Variants in POLR2F observed in about 807,000 individuals in gnomAD.
POLR2F encodes DNA-directed RNA polymerases I, II, and III subunit RPABC2.
Under a neutral mutation model 22.7 loss-of-function variants are expected in POLR2F, and 12 were observed. The ratio of observed to expected loss-of-function variants is 0.53; its 90% CI spans 0.34 to 0.86. POLR2F has a LOEUF of 0.86. Among genes scored for constraint, POLR2F ranks in the 40% least tolerant of loss-of-function variants. The pLI, the probability that POLR2F is intolerant of heterozygous loss-of-function variation, is 0.02. For synonymous variants in POLR2F, 57 were observed against 66.0 expected (o/e 0.86, Z 0.66); for missense variants, 126 against 171.5 (o/e 0.73, Z 1.48).
chr22:38,031,243 G>A (rs551838707), downstream of POLR2F, among the ~76,000 whole-genome samples: 1 of 152,256 alleles, frequency 6.6e-6, no homozygotes, highest in South Asian at 2.1e-4. This position sits in a 1 kb window ranked among gnomAD's most constrained non-coding sequence, Gnocchi z 4.1. Context: ...AAACTCATCT[G>A]TAAAATGCGG....
rs377448253 is a variant in POLR2F at position 38,036,714 on chromosome 22, C to G, written c.453-4354C>G. On this transcript the variant is annotated intron_variant, in intron 5 of 5. Transcript: ENST00000407936. ...AGTCCTGTTGCGATGGAGTTCAGAC[C>G]ACACCATCCCCTGCTTAAAGCCCCA... 1.4e-4 allele frequency among the ~76,000 whole-genome samples: 21 copies of G among 151,820 alleles called. No homozygotes were observed. The East Asian group carries it at 2.7e-3, about 20-fold the overall frequency.
chr22:37,963,265 A>G lies in POLR2F; in HGVS notation c.221+3789A>G, dbSNP rs185662632. On this transcript the variant is annotated intron_variant, in intron 3 of 4. Coordinates refer to ENST00000442738, the MANE Select transcript of POLR2F (RefSeq NM_021974.5). ...CTCAGACTCCCAAAGTACTGGGATTACAGGCATGAGCCACCACGCCCAGCC... is the reference window on the plus strand; with the variant it reads ...CTCAGACTCCCAAAGTACTGGGATTGCAGGCATGAGCCACCACGCCCAGCC... Among the ~76,000 whole-genome samples, 429 of 152,122 alleles carry G rather than the reference A, an allele frequency of 2.8e-3. 2 individuals carry two copies. Among genetic ancestry groups the G allele is most frequent in the African/African-American group, 9.8e-3 (407 of 41,480 alleles).
At chr22:37,959,264 T>C in intron 2 of POLR2F, 82 bp from the exon 3 acceptor site, 2 of 1,438,756 alleles carry the variant, frequency 1.4e-6, no homozygotes, top group Non-Finnish European at 1.9e-6. Context: ...GTAGCGAGAA[T>C]TGTGATTGTT....
chr22:38,021,062 G>A (rs1016438859), intron 1 of POLR2F, among the ~76,000 whole-genome samples: 1 of 152,202 alleles, frequency 6.6e-6, no homozygotes, highest in Non-Finnish European at 1.5e-5. Flanking sequence ...AAAGCATCCA[G>A]GGCACAGAGG....
chr22:38,024,649 G>A (rs1490863431), intron 1 of POLR2F, among the ~76,000 whole-genome samples: 1 of 152,150 alleles, frequency 6.6e-6, no homozygotes, highest in African/African-American at 2.4e-5. Context: ...AGGCAGACCA[G>A]GTCTGGGAGG....
chr22:38,031,196 A>G (rs2085061807), downstream of POLR2F, among the ~76,000 whole-genome samples: 3 of 152,102 alleles, frequency 2.0e-5, no homozygotes. This position sits in a 1 kb window ranked among gnomAD's most constrained non-coding sequence, Gnocchi z 4.1. Flanking sequence ...GTGTCATTCC[A>G]TCTGCAGGGC....
chr22:38,040,197 A>T (rs1476003355), intron 5 of POLR2F: 1 of 149,870 alleles, frequency 6.7e-6, no homozygotes, highest in Non-Finnish European at 1.5e-5. Flanking sequence ...AGGCCAGAGG[A>T]TCACTTGAAC....
chr22:37,970,022 G>A (rs1035416767), downstream of POLR2F, among the ~76,000 whole-genome samples: 2 of 152,074 alleles, frequency 1.3e-5, no homozygotes, highest in African/African-American at 4.8e-5. Flanking sequence ...AGCTGGGCGT[G>A]GTGGCTCACA....
chr22:37,995,639 CTGAA>C (rs2084705618), intron 1 of POLR2F, among the ~76,000 whole-genome samples: 1 of 152,042 alleles, frequency 6.6e-6, no homozygotes, highest in Admixed American at 6.6e-5. Context: ...AACTGATTGC[CTGAA>C]TGAATGAATG....
chr22:37,995,006 T>C (rs894524164), intron 1 of POLR2F, among the ~76,000 whole-genome samples: 1 of 152,198 alleles, frequency 6.6e-6, no homozygotes. Context: ...GTTTAGGGCT[T>C]AGAACCCAGA....
At chr22:38,032,423 CAG>C (rs928108213) in intron 5 of POLR2F, 1 of 152,336 alleles carries the variant, frequency 6.6e-6, no homozygotes, top group African/African-American at 2.4e-5. Flanking sequence ...GGGTATCTGA[CAG>C]GGGAAACTGC....
chr22:37,959,017 C>T (rs1043820981), intron 2 of POLR2F, among the ~76,000 whole-genome samples: 2 of 152,118 alleles, frequency 1.3e-5, no homozygotes. Context: ...TTTTACAGGA[C>T]CAACATTCTG....
intron 1 of POLR2F, among the ~76,000 whole-genome samples, chr22:38,019,111 G>A (rs563847374): frequency 6.6e-6 from 1 of 152,082 alleles, no homozygotes; most frequent in Non-Finnish European, 1.5e-5. Flanking sequence ...CCCTGTGCAC[G>A]TGGCTGTGTG....
At chr22:37,983,629 G>C, upstream of POLR2F, 1 of 1,603,474 alleles carries the variant, frequency 6.2e-7, no homozygotes. This position sits in a 1 kb window ranked among gnomAD's most constrained non-coding sequence, Gnocchi z 9.5. Flanking sequence ...TCTTGACCTT[G>C]CCCAGCTCGC....
intron 1 of POLR2F, among the ~76,000 whole-genome samples, chr22:37,990,077 C>A (rs1164837872): frequency 6.6e-6 from 1 of 152,226 alleles, no homozygotes; most frequent in African/African-American, 2.4e-5. Context: ...TTGGGAGCCC[C>A]TGAGGCCATG....
At chr22:37,996,350 T>C (rs1465987495) in intron 1 of POLR2F, among the ~76,000 whole-genome samples, 2 of 152,210 alleles carry the variant, frequency 1.3e-5, no homozygotes, top group East Asian at 3.9e-4. Flanking sequence ...CTCCTCCCTT[T>C]TGCCCCACCC....
intron 3 of POLR2F, among the ~76,000 whole-genome samples, chr22:37,966,211 G>A (rs1001290010): frequency 2.0e-5 from 3 of 152,200 alleles, no homozygotes; most frequent in Non-Finnish European, 4.4e-5. Context: ...GGAAGAGCTT[G>A]TAAGAGCACA....
At position 37,997,713 on chromosome 22, in the gene POLR2F, C is replaced by T. The variant is rs1190955181; in HGVS notation, c.120+11401C>T. ...GGGTCACCCTGCCCCTCCCTCGTGC[C>T]TGTGCCCAGCTCCGCATCTCCCTCT... On this transcript the variant is annotated intron_variant, in intron 1 of 2. Coordinates refer to the POLR2F transcript ENST00000333418. This position sits in a 1 kb window ranked among gnomAD's most constrained non-coding sequence, Gnocchi z 4.4. Among the ~76,000 whole-genome samples, 1 of 152,172 alleles carries T rather than the reference C, an allele frequency of 6.6e-6. No individual in the cohort carries two copies. The highest frequency in any genetic ancestry group is 1.5e-5 in the Non-Finnish European group (1 of 68,032).
Position 37,967,168 on chromosome 22 carries a change from C to G in POLR2F, c.291C>G (p.Leu97=), listed in dbSNP as rs748396301. Residue 97 remains leucine (L), a splice_region_variant and synonymous_variant, in exon 4 of 5, where the codon CTC becomes CTG. Coordinates refer to ENST00000442738, the MANE Select transcript of POLR2F (RefSeq NM_021974.5). The stretch of plus-strand genomic sequence containing the variant: ...CTCTGCTCATTGCCATGAAGGAACT[C>G]AAGTAAGTCACTCAAATCATGGTTC... The part of the protein sequence containing the change: ...TDPLLIAMKE[L]KARKIPIIIR... 6.2e-7 allele frequency: 1 copy of G among 1,612,578 alleles called. No individual in the cohort carries two copies.
Sources: allele counts gnomAD v4.1 joint callset (sites outside exome capture counted in the v4.1 genomes callset), GRCh38; gene constraint gnomAD v4.1.1; non-coding constraint Gnocchi (gnomAD v3.1); transcripts MANE v1.5; gene names NCBI Gene and HGNC (gene_info 2026-07-23, HGNC 2026-07-21).